The following MYPN variants were observed in gnomAD, a reference collection of about 807,000 sequenced individuals.
MYPN encodes myopalladin, also known as sarcomeric protein myopalladin, 145 kDa (MYOP).
In MYPN, 63 loss-of-function variants were observed where a neutral mutation model predicts 129.4. The ratio of observed to expected loss-of-function variants is 0.49; its 90% confidence interval spans 0.40 to 0.60. The LOEUF is 0.60. MYPN is among the 20% of genes least tolerant of loss of function. MYPN has a pLI of 0.00. For synonymous variants in MYPN, 629 were observed against 600.9 expected, an observed-to-expected ratio of 1.05 and a Z score of -0.68; for missense variants, 1,596 against 1,635.4, an observed-to-expected ratio of 0.98 and a Z score of 0.42.
chr10:68,118,877 T>TGAAGGAAG (rs10661735), intron 1 of MYPN, among the ~76,000 whole-genome samples: 8,755 of 122,414 alleles, frequency 0.072, 515 homozygotes, highest in East Asian at 0.24. Context: ...AAAAGAGTGA[T>TGAAGGAAG]GAAGGAAGGA....
At chr10:68,095,214 G>T (rs556749368) in intron 1 of MYPN, among the ~76,000 whole-genome samples, 5 of 152,084 alleles carry the variant, frequency 3.3e-5, no homozygotes, top group African/African-American at 1.2e-4. Flanking sequence ...TGTGGGTGTG[G>T]AGTCACATAT....
chr10:68,189,107 T>C lies in MYPN; in HGVS notation c.2906T>C (p.Val969Ala), dbSNP rs2043469553. ...GSPVTFTCKIVGIPVPKVYWF... is the reference protein window; with the variant it reads ...GSPVTFTCKIAGIPVPKVYWF... ...CCAGTTACATTCACCTGCAAAATTG[T>C]TGGGATACCTGTTCCAAAGGTAGGG... is the stretch of plus-strand genomic sequence containing the variant. Residue 969 changes from valine (V) to alanine (A), a missense_variant, in exon 13 of 20, where the codon GTT (valine) becomes GCT (alanine). Physicochemically the swap from Val to Ala is moderately conservative, Grantham distance 64 (BLOSUM62 0). Coordinates refer to ENST00000358913, the MANE Select transcript of MYPN (RefSeq NM_032578.4). The C allele has an allele frequency of 6.2e-7, 1 of 1,614,068 alleles. No homozygotes were observed. The highest frequency in any genetic ancestry group is 8.5e-7 in the Non-Finnish European group (1 of 1,179,952).
At chr10:68,166,242 C>T in intron 9 of MYPN, 52 bp from the exon 10 acceptor site, 1 of 1,612,094 alleles carries the variant, frequency 6.2e-7, no homozygotes, top group Non-Finnish European at 8.5e-7. Context: ...GCACATGCCC[C>T]AATTCAGGCT....
At chr10:68,137,437 G>A (rs1444080444) in intron 2 of MYPN, among the ~76,000 whole-genome samples, 1 of 152,172 alleles carries the variant, frequency 6.6e-6, no homozygotes, top group Non-Finnish European at 1.5e-5. Context: ...GTTTCTGAAA[G>A]ATTTGTTGCA....
Position 68,166,684 on chromosome 10 carries a change from T to G in MYPN, c.1973+18T>G. 2 of 1,613,654 alleles carry G rather than the reference T, an allele frequency of 1.2e-6. No individual in the cohort carries two copies. The highest frequency in any genetic ancestry group is 1.7e-6 in the Non-Finnish European group (2 of 1,179,948). On this transcript the variant is annotated intron_variant, in intron 10 of 19. Coordinates refer to ENST00000358913, the MANE Select transcript of MYPN (RefSeq NM_032578.4). ...CCCAAACTGTAAGTAAAAAGTAGGA[T>G]GAATAACCAGGAGCTTCTGTGATCT... is the stretch of plus-strand genomic sequence containing the variant.
chr10:68,160,441 A>AC (rs1420762780), intron 7 of MYPN, among the ~76,000 whole-genome samples: 2,904 of 139,600 alleles, frequency 0.021, 70 homozygotes, highest in African/African-American at 0.05. Flanking sequence ...AAAAAAAAAA[A>AC]AAAAAAAAAA....
intron 13 of MYPN, among the ~76,000 whole-genome samples, chr10:68,191,761 T>G (rs1447802306): frequency 1.3e-5 from 2 of 152,198 alleles, no homozygotes; most frequent in African/African-American, 4.8e-5. Flanking sequence ...ACTTATTTAT[T>G]TTTGTAGGTA....
chr10:68,102,954 A>C (rs1253031356), upstream of MYPN, among the ~76,000 whole-genome samples: 1 of 152,214 alleles, frequency 6.6e-6, no homozygotes, highest in African/African-American at 2.4e-5. Context: ...AGATGAAGGG[A>C]AAGGAGATCT....
chr10:68,114,079 G>A lies in MYPN; in HGVS notation c.-2+4356G>A, dbSNP rs77317354. ...CACCCAGATTTGTTTTCTCATTTAA[G>A]TATCTAATACTTCACAATCAGAATA... is the stretch of plus-strand genomic sequence containing the variant. On this transcript the variant is annotated intron_variant, in intron 1 of 19. Transcript: ENST00000358913. Among the ~76,000 whole-genome samples, 8,019 of 152,136 alleles carry A rather than the reference G, an allele frequency of 0.053. 563 individuals carry two copies. The highest frequency in any genetic ancestry group is 0.2 in the East Asian group (1,041 of 5,172).
At chr10:68,125,903 T>C (rs2042318777) in intron 2 of MYPN, among the ~76,000 whole-genome samples, 1 of 152,226 alleles carries the variant, frequency 6.6e-6, no homozygotes, top group Admixed American at 6.5e-5. Context: ...TGGCTCACAA[T>C]CTAATAGCTA....
chr10:68,107,345 T>TC (rs1295345357), upstream of MYPN, among the ~76,000 whole-genome samples: 2 of 146,952 alleles, frequency 1.4e-5, no homozygotes, highest in Admixed American at 6.7e-5. Flanking sequence ...TCTTTTCTTT[T>TC]TTTTTTTTTT....
intron 1 of MYPN, among the ~76,000 whole-genome samples, chr10:68,110,078 T>A (rs2042060686): frequency 6.6e-6 from 1 of 152,236 alleles, no homozygotes; most frequent in African/African-American, 2.4e-5. Flanking sequence ...GTTTCCTTTT[T>A]AAAGGAAGTT....
chr10:68,145,455 T>C lies in MYPN; in HGVS notation c.1079-20T>C, dbSNP rs2042647717. 1 of 1,604,574 alleles carries C rather than the reference T, an allele frequency of 6.2e-7. No individual in the cohort carries two copies. Among genetic ancestry groups the C allele is most frequent in the African/African-American group, 1.3e-5 (1 of 74,710 alleles). ...AAATTGTCATCTTAACAATCTTATG[T>C]CTTGTTTTTATTTTTCCAGGGGTTT... On this transcript the variant is annotated intron_variant, in intron 3 of 19. Coordinates refer to ENST00000358913, the MANE Select transcript of MYPN (RefSeq NM_032578.4).
chr10:68,190,414 T>G, intron 13 of MYPN, among the ~76,000 whole-genome samples: 1 of 151,228 alleles, frequency 6.6e-6, no homozygotes. Context: ...CTCAAACTCC[T>G]GACCTCAGGT....
At chr10:68,149,992 CTAAT>C in intron 5 of MYPN, 44 bp from the exon 6 acceptor site, 1 of 1,517,320 alleles carries the variant, frequency 6.6e-7, no homozygotes, top group Middle Eastern at 1.7e-4. Context: ...CACTATCCAT[CTAAT>C]AATATTAGTA....
intron 4 of MYPN, among the ~76,000 whole-genome samples, chr10:68,146,914 G>T (rs1475788199): frequency 6.6e-6 from 1 of 152,172 alleles, no homozygotes; most frequent in African/African-American, 2.4e-5. Context: ...TGTAGAAGAA[G>T]AAAACAGATG....
intron 2 of MYPN, among the ~76,000 whole-genome samples, chr10:68,136,010 AG>A (rs1346266689): frequency 6.6e-6 from 1 of 152,226 alleles, no homozygotes; most frequent in Non-Finnish European, 1.5e-5. Flanking sequence ...TCTTTTAACA[AG>A]CGTTATTACT....
intron 13 of MYPN, among the ~76,000 whole-genome samples, chr10:68,193,228 C>A (rs577531957): frequency 6.6e-6 from 1 of 151,516 alleles, no homozygotes; most frequent in Admixed American, 6.6e-5. Flanking sequence ...GGAATGAAAA[C>A]CCATACCAGA....
At chr10:68,131,253 G>A (rs528186218) in intron 2 of MYPN, among the ~76,000 whole-genome samples, 2 of 152,128 alleles carry the variant, frequency 1.3e-5, no homozygotes, top group South Asian at 4.2e-4. Context: ...GCAGAGCATA[G>A]TGGCGGGCAC....
Sources: allele counts gnomAD v4.1 joint callset (sites outside exome capture counted in the v4.1 genomes callset), GRCh38; gene constraint gnomAD v4.1.1; transcripts MANE v1.5; gene names NCBI Gene and HGNC (gene_info 2026-07-23, HGNC 2026-07-21).